ERICH1: variants seen among roughly 807,000 people sequenced by gnomAD.
ERICH1 encodes the protein glutamate rich 1.
Under a neutral mutation model 39.6 loss-of-function variants are expected in ERICH1, and 56 were observed. The observed-to-expected ratio is 1.41, with a 90% CI of 1.14 to 1.77. The LOEUF is 1.77. Among genes scored for constraint, ERICH1 ranks in the 40% most tolerant of loss-of-function variants. The probability of loss-of-function intolerance (pLI) is 0.00; values close to 1 mark genes in which losing one functional copy is unlikely to be tolerated. For missense variants in ERICH1, 826 were observed against 575.4 expected (o/e 1.44, Z -4.45); for synonymous variants, 313 against 223.6 (o/e 1.40, Z -3.57).
At chr8:668,952 G>C (rs1347419423) in intron 4 of ERICH1, 160 bp from the exon 5 acceptor site, 7 of 691,028 alleles carry the variant, frequency 1.0e-5, no homozygotes, top group Non-Finnish European at 1.4e-5. Context: ...TCAGAACAGA[G>C]CTCAGCACAA....
At chr8:623,826 C>T (rs1797431935) in intron 3 of ERICH1, among the ~76,000 whole-genome samples, 1 of 152,178 alleles carries the variant, frequency 6.6e-6, no homozygotes, top group African/African-American at 2.4e-5. Flanking sequence ...TATAAGTCTT[C>T]ATGACCTTGG....
intron 3 of ERICH1, among the ~76,000 whole-genome samples, chr8:643,258 C>T (rs1479581784): frequency 6.6e-6 from 1 of 152,150 alleles, no homozygotes. Flanking sequence ...GTAATGGGGT[C>T]GCAGCAGGGA....
In ERICH1 at chr8:616,086, G is replaced by A. The variant is rs149634290; in HGVS notation, c.977-802C>T. 567 of 164,126 alleles carry A rather than the reference G, an allele frequency of 3.5e-3. 4 individuals are homozygous for A. Among genetic ancestry groups the A allele is most frequent in the African/African-American group, 0.013 (530 of 41,688 alleles). The allele number at this position is 164,126 out of a possible 1,614,324, so 10.2% of individuals were successfully genotyped here. A position where few individuals can be genotyped will look rare whatever the true frequency, so the allele number is the denominator to read the frequency against. ...ACACGCCATGCCCAGCAATGTGCAA[G>A]AGAAGAAAGTCCGTTAAAAACACCC... On this transcript the variant is annotated intron_variant, in intron 3 of 3. Coordinates refer to the ERICH1 transcript ENST00000522706.
chr8:686,407 G>A (rs543625701), intron 3 of ERICH1, among the ~76,000 whole-genome samples: 1 of 150,486 alleles, frequency 6.6e-6, no homozygotes, highest in African/African-American at 2.4e-5. Flanking sequence ...ATGGCAATAA[G>A]AACAAATGCA....
At chr8:699,905 G>T (rs371332583) in intron 2 of ERICH1, among the ~76,000 whole-genome samples, 1,899 of 96,284 alleles carry the variant, frequency 0.02, 60 homozygotes, top group African/African-American at 0.06. Flanking sequence ...GCACAGACCC[G>T]CACAGGCGCA....
chr8:654,861 G>C (rs1441703609), intron 3 of ERICH1, among the ~76,000 whole-genome samples: 1 of 152,186 alleles, frequency 6.6e-6, no homozygotes, highest in South Asian at 2.1e-4. Flanking sequence ...AGTAGCTGCT[G>C]TCCCCCCAGC....
At chr8:684,665 A>G (rs1806891513) in intron 3 of ERICH1, among the ~76,000 whole-genome samples, 1 of 152,182 alleles carries the variant, frequency 6.6e-6, no homozygotes, top group African/African-American at 2.4e-5. Context: ...ATATTTCAAC[A>G]TAGGTTCTTT....
At chr8:715,798 A>G in intron 2 of ERICH1, 63 bp downstream of exon 2, 2 of 1,554,466 alleles carry the variant, frequency 1.3e-6, no homozygotes, top group Non-Finnish European at 1.7e-6. Context: ...CTCCAAGGCA[A>G]GTGATGATGA....
chr8:657,749 T>C (rs1271893646), intron 3 of ERICH1, among the ~76,000 whole-genome samples: 2 of 151,878 alleles, frequency 1.3e-5, no homozygotes, highest in African/African-American at 2.4e-5. Flanking sequence ...TGTCATGCCA[T>C]GTTAAATTAA....
chr8:616,687 G>T, intron 3 of ERICH1: 1 of 445,652 alleles, frequency 2.2e-6, no homozygotes, highest in Non-Finnish European at 4.5e-6. Context: ...GGGAGAGGAA[G>T]ACAGAGAGGG....
chr8:674,282 T>C (rs1008972021), intron 3 of ERICH1, among the ~76,000 whole-genome samples: 4 of 149,848 alleles, frequency 2.7e-5, no homozygotes, highest in Non-Finnish European at 4.4e-5. Flanking sequence ...TTTTGAAGGA[T>C]GTACAAGTTG....
chr8:616,782 G>GA (rs148859281), intron 3 of ERICH1, among the ~76,000 whole-genome samples: 88,192 of 111,022 alleles, frequency 0.79, 35,754 homozygotes, highest in East Asian at 0.99. Context: ...GAGAGGGAGA[G>GA]GGAGAGAGAT....
At chr8:630,144 ACCCTCC>A in intron 3 of ERICH1, among the ~76,000 whole-genome samples, 2 of 113,752 alleles carry the variant, frequency 1.8e-5, no homozygotes, top group Admixed American at 1.9e-4. Context: ...GCTGACTCAC[ACCCTCC>A]CGTGACCACC....
At chr8:678,284 G>A (rs1037363609) in intron 3 of ERICH1, among the ~76,000 whole-genome samples, 1 of 152,178 alleles carries the variant, frequency 6.6e-6, no homozygotes, top group Non-Finnish European at 1.5e-5. Flanking sequence ...GAGGAGGCTT[G>A]AAAATCCAGC....
intron 1 of ERICH1, among the ~76,000 whole-genome samples, chr8:726,827 GAC>G (rs1328494185): frequency 6.6e-6 from 1 of 150,414 alleles, no homozygotes; most frequent in Non-Finnish European, 1.5e-5. Context: ...CACATGCACA[GAC>G]ACAGACACCA....
At chr8:702,305 C>A (rs1393504939) in intron 2 of ERICH1, among the ~76,000 whole-genome samples, 2 of 152,108 alleles carry the variant, frequency 1.3e-5, no homozygotes, top group African/African-American at 4.8e-5. Context: ...TGCAAACACT[C>A]TGTATTAACC....
intron 1 of ERICH1, among the ~76,000 whole-genome samples, chr8:727,124 A>T (rs1474265829): frequency 1.3e-5 from 2 of 152,060 alleles, no homozygotes; most frequent in East Asian, 3.9e-4. Context: ...ACAGATACAC[A>T]CCACACACAC....
chr8:666,432 C>T (rs1020661392), intron 5 of ERICH1: 1 of 152,242 alleles, frequency 6.6e-6, no homozygotes, highest in South Asian at 2.1e-4. Flanking sequence ...TGTAAGAGGC[C>T]TGACAACCCA....
At chr8:656,331 G>A (rs184674506) in intron 3 of ERICH1, among the ~76,000 whole-genome samples, 90 of 152,224 alleles carry the variant, frequency 5.9e-4, no homozygotes, top group East Asian at 1.7e-3. Flanking sequence ...GTGAGGCTTC[G>A]GGACTCTCCC....
Sources: allele counts gnomAD v4.1 joint callset (sites outside exome capture counted in the v4.1 genomes callset), GRCh38; gene constraint gnomAD v4.1.1; transcripts MANE v1.5; gene names NCBI Gene and HGNC (gene_info 2026-07-23, HGNC 2026-07-21).